ROCK2: variants seen among roughly 807,000 people sequenced by gnomAD.
ROCK2 encodes rho-associated protein kinase 2.
In ROCK2, 61 loss-of-function variants were observed where a neutral mutation model predicts 195.1. The observed-to-expected ratio is 0.31, with a 90% CI of 0.25 to 0.39. The LOEUF is 0.39. Among genes scored for constraint, ROCK2 ranks in the 10% least tolerant of loss-of-function variants. The pLI is 1.00. For missense variants in ROCK2, 1,109 were observed against 1,637.4 expected, an observed-to-expected ratio of 0.68 and a Z score of 5.57; for synonymous variants, 504 against 545.5, an observed-to-expected ratio of 0.92 and a Z score of 1.06.
chr2:11,242,730 C>T (rs956135092), intron 4 of ROCK2, among the ~76,000 whole-genome samples: 4 of 152,176 alleles, frequency 2.6e-5, no homozygotes, highest in African/African-American at 9.7e-5. Flanking sequence ...CTAAACTCCC[C>T]ACCCAGGGAG....
At chr2:11,295,483 G>A (rs1667483750) in intron 1 of ROCK2, among the ~76,000 whole-genome samples, 1 of 151,316 alleles carries the variant, frequency 6.6e-6, no homozygotes, top group African/African-American at 2.4e-5. Flanking sequence ...ACCCCCAAAA[G>A]GCCTGCTGGT....
intron 1 of ROCK2, among the ~76,000 whole-genome samples, chr2:11,328,451 A>G (rs1344226511): frequency 6.6e-6 from 1 of 152,224 alleles, no homozygotes; most frequent in Admixed American, 6.5e-5. Flanking sequence ...ACACTAGCAC[A>G]TATAGTTAGC....
chr2:11,328,324 A>G (rs1399116880), intron 1 of ROCK2, among the ~76,000 whole-genome samples: 1 of 152,246 alleles, frequency 6.6e-6, no homozygotes, highest in East Asian at 1.9e-4. Context: ...AAACAGGCTA[A>G]TATCAGAGGG....
chr2:11,215,265 T>C (rs1222259980), intron 15 of ROCK2, 56 bp downstream of exon 15: 2 of 1,438,384 alleles, frequency 1.4e-6, no homozygotes, highest in Admixed American at 2.3e-5. Flanking sequence ...TTAAAACTAA[T>C]GTTATCGCGT....
At chr2:11,267,195 T>C (rs147818700) in intron 3 of ROCK2, among the ~76,000 whole-genome samples, 23 of 152,322 alleles carry the variant, frequency 1.5e-4, no homozygotes, top group South Asian at 6.2e-4. Flanking sequence ...TGAATCTATA[T>C]ACCAATAGGC....
In ROCK2 at chr2:11,317,607, TATATA is replaced by T. The variant is rs1253940280; in HGVS notation, c.141+26384_141+26388del. ...ATATATATATATATATATATATATATATATATTTTTTTTTTTTTTTAATTATACTT... is the reference window on the plus strand; with the variant it reads ...ATATATATATATATATATATATATATTTTTTTTTTTTTTTTAATTATACTT... On this transcript the variant is annotated intron_variant, in intron 1 of 32. Transcript: ENST00000315872. Among the ~76,000 whole-genome samples, 217 of 24,308 alleles carry T rather than the reference TATATA, an allele frequency of 8.9e-3. 4 individuals are homozygous for T. Among genetic ancestry groups the T allele is most frequent in the African/African-American group, 0.022 (162 of 7,300 alleles). 15.9% of individuals were successfully genotyped at this position (24,308 alleles called of 152,430 possible). A position where few individuals can be genotyped will look rare whatever the true frequency, so the allele number is the denominator to read the frequency against.
intron 20 of ROCK2, among the ~76,000 whole-genome samples, chr2:11,205,117 A>T (rs538858763): frequency 2.6e-5 from 4 of 152,314 alleles, no homozygotes; most frequent in African/African-American, 7.2e-5. Context: ...TTTTCACCCC[A>T]TATTAGCTGT....
At chr2:11,301,414 T>C (rs1336976762) in intron 1 of ROCK2, among the ~76,000 whole-genome samples, 1 of 152,090 alleles carries the variant, frequency 6.6e-6, no homozygotes, top group African/African-American at 2.4e-5. Flanking sequence ...CTCAAAAAAC[T>C]GTTGTGTAAA....
intron 4 of ROCK2, among the ~76,000 whole-genome samples, chr2:11,236,284 G>T (rs1044658736): frequency 1.3e-5 from 2 of 151,982 alleles, no homozygotes; most frequent in Non-Finnish European, 2.9e-5. Flanking sequence ...GTGAAAGAAT[G>T]ACAGAAGAAT....
chr2:11,223,272 CTT>C (rs1341321517), intron 7 of ROCK2, among the ~76,000 whole-genome samples: 4 of 152,030 alleles, frequency 2.6e-5, no homozygotes, highest in Admixed American at 1.3e-4. Flanking sequence ...TAATTATCCT[CTT>C]TGATGAAAAA....
chr2:11,257,423 T>A (rs951237471), intron 3 of ROCK2, among the ~76,000 whole-genome samples: 8 of 151,548 alleles, frequency 5.3e-5, no homozygotes, highest in Non-Finnish European at 1.2e-4. Context: ...GCAGGTCCCT[T>A]TGCCACAGCT....
intron 1 of ROCK2, among the ~76,000 whole-genome samples, chr2:11,303,943 C>A (rs72789514): frequency 0.043 from 6,470 of 152,098 alleles, 279 homozygotes; most frequent in Non-Finnish European, 0.06. Flanking sequence ...GACTGCCTTG[C>A]CCTATTATTT....
rs368910741 is a variant in ROCK2 at position 11,201,440 on chromosome 2, C to T, written c.2620-27G>A. 5.2e-6 allele frequency: 6 copies of T among 1,150,114 alleles called. No homozygotes were observed. The highest frequency in any genetic ancestry group is 3.5e-5 in the Admixed American group (2 of 57,916). The allele number at this position is 1,150,114 out of a possible 1,614,324, so 71.2% of individuals were successfully genotyped here. On this transcript the variant is annotated intron_variant, in intron 21 of 32. Coordinates refer to ENST00000315872, the MANE Select transcript of ROCK2 (RefSeq NM_004850.5). This position sits in a 1 kb window ranked among gnomAD's most constrained non-coding sequence, Gnocchi z 4.6. ...TAAATAGCAAAATACAACAGAAATG[C>T]GTATCATCATCAGAAATATTACTTC...
chr2:11,286,454 A>G (rs1057126461), intron 3 of ROCK2, 85 bp downstream of exon 3: 1 of 830,542 alleles, frequency 1.2e-6, no homozygotes, highest in Non-Finnish European at 2.0e-6. Flanking sequence ...GTGGGCATAG[A>G]AATTAGATCT....
At chr2:11,229,578 AC>A (rs1479754472) in intron 5 of ROCK2, among the ~76,000 whole-genome samples, 18 of 151,776 alleles carry the variant, frequency 1.2e-4, no homozygotes, top group Admixed American at 9.2e-4. Flanking sequence ...AAAAAAATAA[AC>A]ATTAAAACCA....
chr2:11,199,606 C>T (rs1320167006), intron 23 of ROCK2, among the ~76,000 whole-genome samples: 1 of 151,992 alleles, frequency 6.6e-6, no homozygotes, highest in Non-Finnish European at 1.5e-5. Context: ...GCTGCAATTA[C>T]AGGCATGAGC....
intron 16 of ROCK2, 51 bp from the exon 17 acceptor site, chr2:11,214,514 T>C (rs1485570427): frequency 9.6e-7 from 1 of 1,041,680 alleles, no homozygotes; most frequent in Non-Finnish European, 1.5e-6. Context: ...AGTATATACA[T>C]TCAATTAGGA....
intron 5 of ROCK2, among the ~76,000 whole-genome samples, chr2:11,232,932 G>C (rs1665070803): frequency 6.6e-6 from 1 of 152,178 alleles, no homozygotes; most frequent in South Asian, 2.1e-4. Context: ...TAACATAACT[G>C]GTCAGGCACA....
At chr2:11,250,176 T>G (rs927385517) in intron 3 of ROCK2, among the ~76,000 whole-genome samples, 6 of 152,228 alleles carry the variant, frequency 3.9e-5, no homozygotes, top group African/African-American at 1.4e-4. Context: ...GTAAGTAGTC[T>G]GAAAGATCAA....
Sources: gnomAD v4.1 joint callset for allele counts (sites outside exome capture counted in the v4.1 genomes callset) on GRCh38, gnomAD v4.1.1 for gene constraint, Gnocchi (gnomAD v3.1) non-coding constraint, MANE v1.5 for transcripts, NCBI Gene and HGNC (gene_info 2026-07-23, HGNC 2026-07-21) for gene names.